NTN1: variants seen among roughly 807,000 people sequenced by gnomAD.
NTN1 encodes the protein netrin-1.
A neutral mutation model predicts 54.2 loss-of-function variants in NTN1; 11 were observed. The observed-to-expected ratio is 0.20, with a 90% CI of 0.13 to 0.34. The LOEUF (loss-of-function observed/expected upper bound fraction) is 0.34, where lower values mean the gene tolerates loss of function less well. Ranked by LOEUF, NTN1 falls within the 10% of genes least tolerant of loss-of-function variation. NTN1 has a pLI of 1.00. For missense variants in NTN1, 740 were observed against 893.1 expected (o/e 0.83, Z 2.18); for synonymous variants, 371 against 382.0 (o/e 0.97, Z 0.33).
chr17:9,081,746 G>A (rs878962403), intron 2 of NTN1, among the ~76,000 whole-genome samples: 1 of 152,246 alleles, frequency 6.6e-6, no homozygotes, highest in Non-Finnish European at 1.5e-5. Context: ...CTGGGGGTCA[G>A]GGGTGGGATA....
rs980849577 is a variant in NTN1, at chr17:9,240,880, CAG to C, written c.*917_*918del. 7 of 152,322 alleles carry C rather than the reference CAG, an allele frequency of 4.6e-5. No homozygotes were observed. The highest frequency in any genetic ancestry group is 7.2e-5 in the African/African-American group (3 of 41,464). The allele number at this position is 152,322 out of a possible 1,614,324, so 9.4% of individuals were successfully genotyped here. On this transcript the variant is annotated 3_prime_UTR_variant, in exon 7 of 7. Transcript: ENST00000173229. ...GAGGCATCGCAAACGCAAAACCTCC[CAG>C]AGAGTTTCCTTTTGGAAACTTGGAA... is the stretch of plus-strand genomic sequence containing the variant.
chr17:9,042,081 T>C (rs1407722951), intron 2 of NTN1, among the ~76,000 whole-genome samples: 1 of 152,006 alleles, frequency 6.6e-6, no homozygotes, highest in Non-Finnish European at 1.5e-5. Flanking sequence ...TTCAGGCAGT[T>C]ATACTGTTCC....
intron 5 of NTN1, among the ~76,000 whole-genome samples, chr17:9,214,220 TATC>T (rs150732754): frequency 0.014 from 2,180 of 152,324 alleles, 44 homozygotes; most frequent in African/African-American, 0.046. Context: ...TAACAAATAA[TATC>T]ATTGTGGTCA....
At chr17:9,053,365 G>A (rs2091967079) in intron 2 of NTN1, among the ~76,000 whole-genome samples, 1 of 152,194 alleles carries the variant, frequency 6.6e-6, no homozygotes, top group African/African-American at 2.4e-5. Context: ...TGTTACTCAG[G>A]GGGTTTGGGA....
chr17:9,096,985 T>A (rs948661187), intron 2 of NTN1, among the ~76,000 whole-genome samples: 4 of 152,262 alleles, frequency 2.6e-5, no homozygotes, highest in Non-Finnish European at 2.9e-5. Context: ...TCTGTTTTAC[T>A]TGAAGGTTCC....
At chr17:9,086,903 T>TCAGCATCAGCAC (rs1184457710) in intron 2 of NTN1, among the ~76,000 whole-genome samples, 3 of 152,126 alleles carry the variant, frequency 2.0e-5, no homozygotes, top group African/African-American at 7.2e-5. Context: ...AGCTTCACCA[T>TCAGCATCAGCAC]CACCATCAGC....
intron 6 of NTN1, among the ~76,000 whole-genome samples, chr17:9,236,290 A>T (rs78803379): frequency 0.038 from 5,803 of 152,244 alleles, 370 homozygotes; most frequent in African/African-American, 0.13. Flanking sequence ...GGTTCCATGT[A>T]GCCCAGAGAT....
intron 2 of NTN1, among the ~76,000 whole-genome samples, chr17:9,089,203 A>G (rs971696368): frequency 3.9e-5 from 6 of 152,150 alleles, no homozygotes; most frequent in African/African-American, 1.4e-4. Context: ...ACCCGAGTTC[A>G]GGAGTTCGAG....
chr17:9,050,316 T>C (rs1304437932), intron 2 of NTN1, among the ~76,000 whole-genome samples: 1 of 151,870 alleles, frequency 6.6e-6, no homozygotes, highest in Non-Finnish European at 1.5e-5. Context: ...CCCTTGAGCA[T>C]CGTGAGTCCT....
intron 2 of NTN1, among the ~76,000 whole-genome samples, chr17:9,055,203 C>A (rs1397605511): frequency 6.6e-6 from 1 of 152,186 alleles, no homozygotes; most frequent in African/African-American, 2.4e-5. Context: ...TCATTCAGTC[C>A]ATTCATTCAC....
intron 2 of NTN1, among the ~76,000 whole-genome samples, chr17:9,103,575 A>G (rs9898864): frequency 0.72 from 109,688 of 151,882 alleles, 40,063 homozygotes; most frequent in East Asian, 0.96. Context: ...AGTTTCCTGA[A>G]GCCTCGCCAG....
intron 5 of NTN1, among the ~76,000 whole-genome samples, chr17:9,207,990 T>A (rs1905010737): frequency 6.6e-6 from 1 of 152,142 alleles, no homozygotes; most frequent in South Asian, 2.1e-4. Context: ...TCCCGGCACT[T>A]TGGGAGGCTG....
At chr17:9,004,450 A>T in the NTN1 span, among the ~76,000 whole-genome samples, 10 of 152,236 alleles carry the variant, frequency 6.6e-5, no homozygotes, top group Non-Finnish European at 1.0e-4. Flanking sequence ...GCCTGGGGAC[A>T]TCTGCTGAGC....
Position 9,022,664 on chromosome 17 carries a change from C to G in NTN1, c.291C>G (p.Ser97=), listed in dbSNP as rs1350335342. 1.9e-6 allele frequency: 3 copies of G among 1,571,890 alleles called. No homozygotes were observed. Among genetic ancestry groups the G allele is most frequent in the Middle Eastern group, 1.7e-4 (1 of 6,022 alleles). Residue 97 remains serine (S), a synonymous_variant, in exon 2 of 7, where the codon TCC becomes TCG. Transcript: ENST00000173229. ...RLRSCHLCNA[S]DPKKAHPPAF... ...GCTCGTGCCACCTCTGCAACGCGTC[C>G]GACCCCAAGAAGGCGCACCCGCCCG...
chr17:9,240,069 TC>T lies in NTN1; in HGVS notation c.*104del. 1 of 121,922 alleles carries T rather than the reference TC, an allele frequency of 8.2e-6. No individual in the cohort carries two copies. Among genetic ancestry groups the T allele is most frequent in the Non-Finnish European group, 1.3e-5 (1 of 77,220 alleles). 7.6% of individuals were successfully genotyped at this position (121,922 alleles called of 1,614,324 possible). On this transcript the variant is annotated 3_prime_UTR_variant, in exon 7 of 7. Transcript: ENST00000173229. ...CCGCGGACTTGGCCCGCGAGGGCTTTCCCAGGTGGGGGGAGGGAGGGGGCGG... is the reference window on the plus strand; with the variant it reads ...CCGCGGACTTGGCCCGCGAGGGCTTTCCAGGTGGGGGGAGGGAGGGGGCGG...
intron 6 of NTN1, among the ~76,000 whole-genome samples, chr17:9,224,916 C>G (rs1031272188): frequency 3.3e-5 from 5 of 152,188 alleles, no homozygotes; most frequent in Non-Finnish European, 5.9e-5. Context: ...ACAGCCAGGA[C>G]TGACACTCTC....
At position 9,221,043 on chromosome 17, in the gene NTN1, G is replaced by A. The variant is rs898960017; in HGVS notation, c.1412-125G>A. The A allele has an allele frequency of 3.9e-6, 3 of 771,018 alleles. No individual in the cohort carries two copies. Among genetic ancestry groups the A allele is most frequent in the Non-Finnish European group, 7.0e-6 (3 of 431,064 alleles). 47.8% of individuals were successfully genotyped at this position (771,018 alleles called of 1,614,324 possible). ...TTCCTGAATGGCCGCCTGCCCGCCC[G>A]GCCTGGCCCATGGGTATCACAGGCC... On this transcript the variant is annotated intron_variant, in intron 5 of 6. Coordinates refer to ENST00000173229, the MANE Select transcript of NTN1 (RefSeq NM_004822.3). The surrounding 1 kb of genome is among the most constrained non-coding windows in gnomAD (Gnocchi z 4.5).
chr17:9,019,764 T>A (rs1201859286), upstream of NTN1, among the ~76,000 whole-genome samples: 3 of 152,250 alleles, frequency 2.0e-5, no homozygotes, highest in East Asian at 5.8e-4. Context: ...CCTTTCAGTA[T>A]ACCATTGCGA....
At chr17:9,022,030 G>A (rs962381056) in intron 1 of NTN1, among the ~76,000 whole-genome samples, 20 of 152,194 alleles carry the variant, frequency 1.3e-4, no homozygotes, top group Non-Finnish European at 2.6e-4. Flanking sequence ...GGTCGCGGAC[G>A]GGGAGACCGG....
Sources: allele counts gnomAD v4.1 joint callset (sites outside exome capture counted in the v4.1 genomes callset), GRCh38; gene constraint gnomAD v4.1.1; non-coding constraint Gnocchi (gnomAD v3.1); transcripts MANE v1.5; gene names NCBI Gene and HGNC (gene_info 2026-07-23, HGNC 2026-07-21).